DAPP1: variants seen among roughly 807,000 people sequenced by gnomAD.
DAPP1 encodes dual adaptor of phosphotyrosine and 3-phosphoinositides 1.
DAPP1 carries 20 observed loss-of-function variants against 41.5 expected under a neutral mutation model. That is an observed-to-expected ratio of 0.48 (90% CI 0.34 to 0.70). The LOEUF is 0.70. Among genes scored for constraint, DAPP1 ranks in the 30% least tolerant of loss-of-function variants. The pLI, the probability that DAPP1 is intolerant of heterozygous loss-of-function variation, is 0.01. For missense variants in DAPP1, 233 were observed against 333.4 expected (o/e 0.70, Z 2.35); for synonymous variants, 113 against 116.2 (o/e 0.97, Z 0.18).
At chr4:99,867,040 G>A (rs1393422722) in intron 8 of DAPP1, among the ~76,000 whole-genome samples, 2 of 152,080 alleles carry the variant, frequency 1.3e-5, no homozygotes, top group Non-Finnish European at 2.9e-5. Flanking sequence ...AAAGTGCTGG[G>A]ATGACAGGTG....
rs919531084 is a variant in DAPP1, at chr4:99,819,310, G to A, written c.101+2296G>A. On this transcript the variant is annotated intron_variant, in intron 1 of 8. Coordinates refer to ENST00000512369, the MANE Select transcript of DAPP1 (RefSeq NM_014395.3). Reference sequence around the variant, plus strand: ...TGGAAAAACAGCTGGGAAGAGTTGGGGTGTGGAGAAAGCCCTGATTTCAAG... The same window carrying A: ...TGGAAAAACAGCTGGGAAGAGTTGGAGTGTGGAGAAAGCCCTGATTTCAAG... Among the ~76,000 whole-genome samples the A allele has an allele frequency of 2.0e-5, 3 of 152,044 alleles. No homozygotes were observed. In the East Asian group the frequency reaches 5.8e-4, roughly 29 times the overall value.
At chr4:99,826,646 T>C (rs764694591) in intron 1 of DAPP1, among the ~76,000 whole-genome samples, 1 of 152,210 alleles carries the variant, frequency 6.6e-6, no homozygotes, top group Non-Finnish European at 1.5e-5. Flanking sequence ...CAGAATTATT[T>C]TGCACCACTT....
intron 3 of DAPP1, among the ~76,000 whole-genome samples, chr4:99,849,142 T>C (rs1357403187): frequency 6.6e-6 from 1 of 152,232 alleles, no homozygotes; most frequent in Non-Finnish European, 1.5e-5. Flanking sequence ...TTAAAATCAA[T>C]CTACAGTCAG....
intron 1 of DAPP1, among the ~76,000 whole-genome samples, chr4:99,828,495 G>T (rs960575472): frequency 2.0e-5 from 3 of 152,126 alleles, no homozygotes; most frequent in African/African-American, 4.8e-5. Flanking sequence ...AACAAATGAG[G>T]TATAAAGTTA....
chr4:99,843,326 G>A (rs186016341), intron 3 of DAPP1, among the ~76,000 whole-genome samples: 48 of 152,272 alleles, frequency 3.2e-4, no homozygotes, highest in African/African-American at 7.0e-4. Context: ...ATTTTGGGTC[G>A]TAAGAACATT....
chr4:99,871,600 A>G (rs1724630116), downstream of DAPP1, among the ~76,000 whole-genome samples: 1 of 152,214 alleles, frequency 6.6e-6, no homozygotes, highest in Admixed American at 6.5e-5. Context: ...TTCTGTACTT[A>G]TCTTGCTAGC....
downstream of DAPP1, among the ~76,000 whole-genome samples, chr4:99,871,162 C>T (rs983693350): frequency 6.6e-6 from 1 of 152,146 alleles, no homozygotes; most frequent in African/African-American, 2.4e-5. Flanking sequence ...GGGCATTATG[C>T]TGTGTCCCTG....
intron 8 of DAPP1, among the ~76,000 whole-genome samples, chr4:99,867,481 G>A (rs1724503295): frequency 1.3e-5 from 2 of 152,174 alleles, no homozygotes; most frequent in Admixed American, 1.3e-4. Context: ...AATGAAGACT[G>A]TCAATATCAA....
chr4:99,816,911 C>T lies in DAPP1; in HGVS notation c.-3C>T, dbSNP rs567489087. ...TCTCTCTCTACCTCTGTGAAGGGCG[C>T]GAATGGGCAGAGCAGAACTTCTAGA... On this transcript the variant is annotated 5_prime_UTR_variant, in exon 1 of 9. Coordinates refer to ENST00000512369, the MANE Select transcript of DAPP1 (RefSeq NM_014395.3). The T allele has an allele frequency of 2.9e-5, 46 of 1,603,712 alleles. No individual in the cohort carries two copies. Among genetic ancestry groups the T allele is most frequent in the South Asian group, 1.8e-4 (16 of 88,866 alleles).
chr4:99,863,633 T>C lies in DAPP1; in HGVS notation c.601-137T>C, dbSNP rs115100535. On this transcript the variant is annotated intron_variant, in intron 6 of 8. Coordinates refer to ENST00000512369, the MANE Select transcript of DAPP1 (RefSeq NM_014395.3). ...ACTTCCCTTGGTAGGGCTTTTCTAT[T>C]GTCAGTCCTGTTAGTGAAAGGAAAT... 980 of 654,136 alleles carry C rather than the reference T, an allele frequency of 1.5e-3. 10 individuals are homozygous for C. The African/African-American group carries it at 0.016, about 11-fold the overall frequency. 40.5% of individuals were successfully genotyped at this position (654,136 alleles called of 1,614,324 possible). A position where few individuals can be genotyped will look rare whatever the true frequency, so the allele number is the denominator to read the frequency against.
At position 99,869,959 on chromosome 4, in the gene DAPP1, A is replaced by C. The variant is rs1724589655; in HGVS notation, c.*1774A>C. 1 of 134,144 alleles carries C rather than the reference A, an allele frequency of 7.5e-6. No homozygotes were observed. Among genetic ancestry groups the C allele is most frequent in the Non-Finnish European group, 1.7e-5 (1 of 57,196 alleles). 8.3% of individuals were successfully genotyped at this position (134,144 alleles called of 1,614,324 possible). A position where few individuals can be genotyped will look rare whatever the true frequency, so the allele number is the denominator to read the frequency against. On this transcript the variant is annotated 3_prime_UTR_variant, in exon 9 of 9. Coordinates refer to ENST00000512369, the MANE Select transcript of DAPP1 (RefSeq NM_014395.3). ...AAACAAACAAACAAAACAAAACAAA[A>C]AAAAACAGAAGTTACAAATGAATAC...
intron 1 of DAPP1, among the ~76,000 whole-genome samples, chr4:99,823,899 C>T (rs998439766): frequency 1.6e-4 from 24 of 152,206 alleles, no homozygotes; most frequent in African/African-American, 4.3e-4. Context: ...GCAAAATAAG[C>T]GACTCATGTC....
At chr4:99,866,983 T>G (rs1278453725) in intron 8 of DAPP1, among the ~76,000 whole-genome samples, 1 of 152,040 alleles carries the variant, frequency 6.6e-6, no homozygotes, top group Non-Finnish European at 1.5e-5. Context: ...TTGGCCAGGG[T>G]GGTCTCGAAC....
downstream of DAPP1, among the ~76,000 whole-genome samples, chr4:99,872,194 C>A (rs1724644183): frequency 1.3e-5 from 2 of 152,338 alleles, no homozygotes; most frequent in South Asian, 4.1e-4. Context: ...ACCAGCAGGT[C>A]CCTGATCCCA....
intron 1 of DAPP1, among the ~76,000 whole-genome samples, chr4:99,830,684 C>G (rs567342588): frequency 6.6e-6 from 1 of 152,266 alleles, no homozygotes; most frequent in East Asian, 1.9e-4. Flanking sequence ...GCTGCTATTC[C>G]CTCCCATGTT....
At chr4:99,838,843 CAAAT>C (rs1723390673) in intron 2 of DAPP1, among the ~76,000 whole-genome samples, 2 of 152,054 alleles carry the variant, frequency 1.3e-5, no homozygotes, top group Non-Finnish European at 1.5e-5. Context: ...TAGAGGTTGA[CAAAT>C]AACATAAAAG....
intron 3 of DAPP1, among the ~76,000 whole-genome samples, chr4:99,852,505 C>G (rs1723898122): frequency 6.6e-6 from 1 of 152,160 alleles, no homozygotes; most frequent in Non-Finnish European, 1.5e-5. Flanking sequence ...TGCCTGGACC[C>G]CCTGGGCTGA....
chr4:99,860,632 T>C (rs932401724), intron 4 of DAPP1, among the ~76,000 whole-genome samples: 2 of 152,202 alleles, frequency 1.3e-5, no homozygotes, highest in Non-Finnish European at 2.9e-5. Flanking sequence ...AGATGGTTGT[T>C]CCTCTTTTTA....
At chr4:99,851,534 G>GTTTTTTTTTTTTTT (rs537614787) in intron 3 of DAPP1, among the ~76,000 whole-genome samples, 3 of 77,790 alleles carry the variant, frequency 3.9e-5, no homozygotes, top group Admixed American at 1.6e-4. Flanking sequence ...GTTTTGTGTA[G>GTTTTTTTTTTTTTT]TTTTTTTTTT....
Sources: allele counts gnomAD v4.1 joint callset (sites outside exome capture counted in the v4.1 genomes callset), GRCh38; gene constraint gnomAD v4.1.1; transcripts MANE v1.5; gene names NCBI Gene and HGNC (gene_info 2026-07-23, HGNC 2026-07-21).